Variants in SF3B6 observed in about 807,000 individuals in gnomAD.
SF3B6 encodes the protein SF3b 14 kDa subunit.
SF3B6 carries 3 observed loss-of-function variants against 15.9 expected under a neutral mutation model. The ratio of observed to expected loss-of-function variants is 0.19; its 90% CI spans 0.09 to 0.49. The LOEUF (loss-of-function observed/expected upper bound fraction) is 0.49, where lower values mean the gene tolerates loss of function less well. SF3B6 is among the 20% of genes least tolerant of loss of function. The probability of loss-of-function intolerance (pLI) is 0.97; values close to 1 mark genes in which losing one functional copy is unlikely to be tolerated. For missense variants in SF3B6, 71 were observed against 154.3 expected (o/e 0.46, Z 2.86); for synonymous variants, 49 against 51.1 (o/e 0.96, Z 0.18).
intron 2 of SF3B6, among the ~76,000 whole-genome samples, chr2:24,069,956 C>T (rs916383756): frequency 2.6e-5 from 4 of 152,272 alleles, no homozygotes; most frequent in Admixed American, 6.5e-5. Flanking sequence ...ATAAGGCAGA[C>T]GCTAATACGC....
At chr2:24,072,072 A>C (rs1263089180) in intron 2 of SF3B6, among the ~76,000 whole-genome samples, 6 of 152,098 alleles carry the variant, frequency 3.9e-5, no homozygotes, top group Non-Finnish European at 8.8e-5. Context: ...CTGCAGCCTC[A>C]GCCTCCCAGG....
chr2:24,074,992 G>C (rs896158965), intron 1 of SF3B6, among the ~76,000 whole-genome samples: 1 of 152,166 alleles, frequency 6.6e-6, no homozygotes, highest in African/African-American at 2.4e-5. Context: ...AGCCGGGCAT[G>C]GTGGTGGGCA....
At chr2:24,075,239 C>G (rs1300124593) in intron 1 of SF3B6, among the ~76,000 whole-genome samples, 1 of 152,122 alleles carries the variant, frequency 6.6e-6, no homozygotes, top group African/African-American at 2.4e-5. Flanking sequence ...ATCTTTTCAC[C>G]CCACTGCAAT....
chr2:24,072,630 A>G (rs1019690899), intron 2 of SF3B6, among the ~76,000 whole-genome samples: 1 of 152,252 alleles, frequency 6.6e-6, no homozygotes. Context: ...AAACCCAGAT[A>G]AGGTTAAATA....
intron 2 of SF3B6, among the ~76,000 whole-genome samples, chr2:24,070,475 A>G (rs1011298494): frequency 6.6e-6 from 1 of 152,220 alleles, no homozygotes; most frequent in African/African-American, 2.4e-5. Context: ...CGTGTAACTT[A>G]GCCTCTGTGA....
Position 24,076,321 on chromosome 2 carries a change from A to G in SF3B6, c.-92T>C. On this transcript the variant is annotated 5_prime_UTR_variant, in exon 1 of 4. The change abolishes an upstream ATG in the 5' untranslated region. Coordinates refer to ENST00000233468, the MANE Select transcript of SF3B6 (RefSeq NM_016047.4). ...GGTTACACCGCGTTAGATGCAGGAC[A>G]TCAACATCCAGGACCCGCCGGAAGC... The G allele has an allele frequency of 6.7e-7, 1 of 1,496,426 alleles. No individual in the cohort carries two copies. Among genetic ancestry groups the G allele is most frequent in the African/African-American group, 1.4e-5 (1 of 72,796 alleles). 92.7% of individuals were successfully genotyped at this position (1,496,426 alleles called of 1,614,324 possible). A position where few individuals can be genotyped will look rare whatever the true frequency, so the allele number is the denominator to read the frequency against.
chr2:24,067,927 AAAG>A, intron 3 of SF3B6, 76 bp from the exon 4 acceptor site: 1 of 1,226,028 alleles, frequency 8.2e-7, no homozygotes, highest in Non-Finnish European at 1.2e-6. Context: ...ATTAGCCAAA[AAAG>A]AAAGTCATAG....
Position 24,067,740 on chromosome 2 carries a change from C to T in SF3B6, c.*22G>A. On this transcript the variant is annotated 3_prime_UTR_variant, in exon 4 of 4. Coordinates refer to ENST00000233468, the MANE Select transcript of SF3B6 (RefSeq NM_016047.4). ...TAGTTGTCATTCGTGGGATTTAGTCCAAATGAAAATGTAGAAAACATTTAT... is the reference window on the plus strand; with the variant it reads ...TAGTTGTCATTCGTGGGATTTAGTCTAAATGAAAATGTAGAAAACATTTAT... The T allele has an allele frequency of 6.3e-7, 1 of 1,595,814 alleles. No individual in the cohort carries two copies. Among genetic ancestry groups the T allele is most frequent in the African/African-American group, 1.3e-5 (1 of 74,456 alleles).
chr2:24,067,959 G>A (rs1664586856), intron 3 of SF3B6, 108 bp from the exon 4 acceptor site: 4 of 899,766 alleles, frequency 4.4e-6, no homozygotes, highest in Non-Finnish European at 5.4e-6. Flanking sequence ...TATCATCACA[G>A]TACAGTTCTA....
chr2:24,073,110 A>C (rs1272369793), intron 2 of SF3B6, among the ~76,000 whole-genome samples: 2 of 152,082 alleles, frequency 1.3e-5, no homozygotes, highest in Non-Finnish European at 2.9e-5. Flanking sequence ...CTCTTGGTTT[A>C]CTCTCTGGAG....
At chr2:24,069,689 C>T (rs1206166701) in intron 2 of SF3B6, among the ~76,000 whole-genome samples, 1 of 152,058 alleles carries the variant, frequency 6.6e-6, no homozygotes, top group East Asian at 1.9e-4. Context: ...ATAGTCTGGG[C>T]CCTGTTCAAG....
At chr2:24,075,356 TC>T (rs1280751632) in intron 1 of SF3B6, among the ~76,000 whole-genome samples, 1 of 95,692 alleles carries the variant, frequency 1.0e-5, no homozygotes, top group African/African-American at 3.6e-5. Flanking sequence ...TTTCTTTCTT[TC>T]TGTTTTTTTT....
chr2:24,067,702 G>GA lies in SF3B6; in HGVS notation c.*59dup. The stretch of plus-strand genomic sequence containing the variant: ...ACAATATTTAGTATTAATTAAAAAG[G>GA]AAAAAAAGGTGGTAGTTGTCATTCG... On this transcript the variant is annotated 3_prime_UTR_variant, in exon 4 of 4. Coordinates refer to ENST00000233468, the MANE Select transcript of SF3B6 (RefSeq NM_016047.4). The GA allele has an allele frequency of 8.0e-6, 11 of 1,381,728 alleles. No homozygotes were observed. The South Asian group carries it at 1.2e-4, about 15-fold the overall frequency. 85.6% of individuals were successfully genotyped at this position (1,381,728 alleles called of 1,614,324 possible). A position where few individuals can be genotyped will look rare whatever the true frequency, so the allele number is the denominator to read the frequency against.
intron 1 of SF3B6, among the ~76,000 whole-genome samples, chr2:24,075,370 T>TTG (rs1664721755): frequency 1.3e-5 from 2 of 149,926 alleles, no homozygotes; most frequent in African/African-American, 4.9e-5. Context: ...TTTTTTTTTT[T>TTG]TTTTTTGAGT....
At chr2:24,074,473 C>A (rs1664701530) in intron 1 of SF3B6, among the ~76,000 whole-genome samples, 1 of 151,928 alleles carries the variant, frequency 6.6e-6, no homozygotes, top group Admixed American at 6.6e-5. Context: ...GCCTGGACAA[C>A]ATAGTGAGAC....
Position 24,068,453 on chromosome 2 carries a change from G to A in SF3B6, c.156C>T (p.Asn52=), listed in dbSNP as rs41281479. ...AAGCTGTTCCTCTAGTTTCAGGTGT[G>A]TTCCCCCTGGAGAGGTAAGTTAAAC... The part of the protein sequence containing the change: ...YGPIRQIRVG[N]TPETRGTAYV... Residue 52 remains asparagine, a synonymous_variant, in exon 3 of 4, where the codon AAC becomes AAT. Transcript: ENST00000233468. 10,067 of 1,611,326 alleles carry A rather than the reference G, an allele frequency of 6.2e-3. 51 individuals carry two copies. The highest frequency in any genetic ancestry group is 8.1e-3 in the Non-Finnish European group (9,593 of 1,178,860).
chr2:24,074,072 TCA>T lies in SF3B6; in HGVS notation c.149+2_149+3del, dbSNP rs1364122594. Reference sequence around the variant, plus strand: ...TTTTCTTTAAATGACTCAGTAAGACTCACACTCTGATTTGACGAATAGGTCCA... The same window carrying T: ...TTTTCTTTAAATGACTCAGTAAGACTCACTCTGATTTGACGAATAGGTCCA... On this transcript the variant is annotated splice_donor_variant and splice_donor_region_variant and intron_variant, in intron 2 of 3. Coordinates refer to ENST00000233468, the MANE Select transcript of SF3B6 (RefSeq NM_016047.4). LOFTEE classifies it high-confidence loss of function. 6.7e-7 allele frequency: 1 copy of T among 1,499,730 alleles called. No individual in the cohort carries two copies. Among genetic ancestry groups the T allele is most frequent in the South Asian group, 1.2e-5 (1 of 86,812 alleles). 92.9% of individuals were successfully genotyped at this position (1,499,730 alleles called of 1,614,324 possible).
rs906457379 is a variant in SF3B6, at chr2:24,069,977, T to C, written c.150-1518A>G. ...CAGACGCTAATACGCCTTTGAAAAG[T>C]GGAGATCTACTTTCTTCTATCAGTT... On this transcript the variant is annotated intron_variant, in intron 2 of 3. Transcript: ENST00000233468. Among the ~76,000 whole-genome samples the C allele has an allele frequency of 1.7e-4, 26 of 152,218 alleles. 1 individual carries two copies. Among genetic ancestry groups the C allele is most frequent in the Non-Finnish European group, 1.5e-4 (10 of 68,040 alleles).
intron 1 of SF3B6, 89 bp downstream of exon 1, chr2:24,076,111 C>T: frequency 6.6e-7 from 1 of 1,521,118 alleles, no homozygotes; most frequent in Non-Finnish European, 9.1e-7. Flanking sequence ...GCTCTGGGGA[C>T]GGAGGAGGAG....
Sources: allele counts gnomAD v4.1 joint callset (sites outside exome capture counted in the v4.1 genomes callset), GRCh38; gene constraint gnomAD v4.1.1; transcripts MANE v1.5; gene names NCBI Gene and HGNC (gene_info 2026-07-23, HGNC 2026-07-21).